GRID2: variants seen among roughly 807,000 people sequenced by gnomAD.
The protein encoded by GRID2 is glutamate ionotropic receptor delta type subunit 2.
Under a neutral mutation model 114.8 loss-of-function variants are expected in GRID2, and 33 were observed. The observed-to-expected ratio is 0.29, with a 90% CI of 0.22 to 0.38. GRID2 has a LOEUF of 0.38. Among genes scored for constraint, GRID2 ranks in the 10% least tolerant of loss-of-function variants. The probability of loss-of-function intolerance (pLI) is 1.00; values close to 1 mark genes in which losing one functional copy is unlikely to be tolerated. For synonymous variants in GRID2, 505 were observed against 449.9 expected, an observed-to-expected ratio of 1.12 and a Z score of -1.55; for missense variants, 1,184 against 1,257.7, an observed-to-expected ratio of 0.94 and a Z score of 0.89.
At chr4:92,981,373 G>A (rs565936521) in intron 2 of GRID2, among the ~76,000 whole-genome samples, 11 of 152,016 alleles carry the variant, frequency 7.2e-5, no homozygotes, top group African/African-American at 1.4e-4. Flanking sequence ...TAATGCGTGC[G>A]TATTATTGAT....
intron 4 of GRID2, among the ~76,000 whole-genome samples, chr4:93,115,719 G>GGT (rs1275118094): frequency 6.6e-6 from 1 of 152,058 alleles, no homozygotes; most frequent in Non-Finnish European, 1.5e-5. Context: ...TGTCTTACAT[G>GGT]GTGGCAGGCA....
intron 2 of GRID2, among the ~76,000 whole-genome samples, chr4:93,056,148 G>A (rs1042581202): frequency 1.3e-5 from 2 of 151,924 alleles, no homozygotes; most frequent in Admixed American, 6.6e-5. Context: ...TATGCAAACT[G>A]AGTATATCAA....
chr4:93,419,117 T>C (rs1242878350), intron 9 of GRID2, among the ~76,000 whole-genome samples: 1 of 151,194 alleles, frequency 6.6e-6, no homozygotes, highest in Non-Finnish European at 1.5e-5. Context: ...CTGTATTTCT[T>C]TGTTGTCCTG....
At chr4:93,011,208 A>C (rs1334688215) in intron 2 of GRID2, among the ~76,000 whole-genome samples, 1 of 151,390 alleles carries the variant, frequency 6.6e-6, no homozygotes, top group African/African-American at 2.4e-5. Context: ...CATCAGTTGA[A>C]AATTTTTGCT....
intron 9 of GRID2, among the ~76,000 whole-genome samples, chr4:93,407,676 A>ATT (rs34308935): frequency 0.2 from 27,365 of 140,102 alleles, 3,713 homozygotes; most frequent in African/African-American, 0.37. Context: ...ATTTTTCAGA[A>ATT]TTTTTTTTTT....
intron 8 of GRID2, among the ~76,000 whole-genome samples, chr4:93,341,359 C>G (rs1759636838): frequency 6.6e-6 from 1 of 151,400 alleles, no homozygotes; most frequent in Admixed American, 6.6e-5. Context: ...GAGTCTCACT[C>G]TGTCACCCAG....
At chr4:93,073,818 C>T (rs1054743294) in intron 2 of GRID2, among the ~76,000 whole-genome samples, 1 of 152,150 alleles carries the variant, frequency 6.6e-6, no homozygotes, top group South Asian at 2.1e-4. Flanking sequence ...CTCCAGAGAC[C>T]AATCACAAAT....
rs1392483624 is a variant in GRID2 at position 92,560,187 on chromosome 4, T to C, written c.89-29944T>C. On this transcript the variant is annotated intron_variant, in intron 1 of 15. Coordinates refer to ENST00000282020, the MANE Select transcript of GRID2 (RefSeq NM_001510.4). ...GAGAAGAAAGGAGAGGGGAGCCTGC[T>C]TAATGAGATGCAGCTGGATTCATAG... 2.6e-5 allele frequency among the ~76,000 whole-genome samples: 4 copies of C among 152,186 alleles called. No homozygotes were observed. In the East Asian group the frequency reaches 5.8e-4, roughly 22 times the overall value.
intron 12 of GRID2, among the ~76,000 whole-genome samples, chr4:93,494,605 A>G (rs1195627791): frequency 6.6e-6 from 1 of 151,786 alleles, no homozygotes; most frequent in African/African-American, 2.4e-5. Context: ...ATTTAATTTC[A>G]TATCCCTTCA....
At chr4:93,750,368 T>C (rs1310203156) in intron 14 of GRID2, among the ~76,000 whole-genome samples, 2 of 152,134 alleles carry the variant, frequency 1.3e-5, no homozygotes, top group Non-Finnish European at 2.9e-5. Flanking sequence ...AAATAGTAAA[T>C]AAGAATCTCT....
chr4:93,243,173 A>G (rs1747746000), intron 8 of GRID2, among the ~76,000 whole-genome samples: 1 of 151,956 alleles, frequency 6.6e-6, no homozygotes. Context: ...TTATAACTCA[A>G]TTATTTTTCT....
chr4:93,807,488 C>A (rs561251238), exon 2 of GRID2: 21 of 152,206 alleles, frequency 1.4e-4, no homozygotes, highest in Admixed American at 6.5e-4. Flanking sequence ...GGGACATTAC[C>A]TTTTTCCCCA....
intron 13 of GRID2, among the ~76,000 whole-genome samples, chr4:93,613,187 A>G (rs1388403753): frequency 6.7e-6 from 1 of 148,442 alleles, no homozygotes; most frequent in Non-Finnish European, 1.5e-5. Flanking sequence ...ACTTCTCTGT[A>G]TTGGTTATTC....
At chr4:93,669,420 T>A (rs1452683339) in intron 14 of GRID2, among the ~76,000 whole-genome samples, 1 of 152,038 alleles carries the variant, frequency 6.6e-6, no homozygotes, top group East Asian at 1.9e-4. Flanking sequence ...ATTGGCCATT[T>A]TATTATTATT....
chr4:92,664,513 G>T (rs1732673693), intron 2 of GRID2, among the ~76,000 whole-genome samples: 1 of 151,002 alleles, frequency 6.6e-6, no homozygotes, highest in Non-Finnish European at 1.5e-5. Flanking sequence ...AGAAGAATGG[G>T]TATTCTATTG....
intron 2 of GRID2, among the ~76,000 whole-genome samples, chr4:92,645,360 T>C (rs1214733564): frequency 1.3e-5 from 2 of 151,756 alleles, no homozygotes; most frequent in African/African-American, 2.4e-5. Flanking sequence ...TTTCTCCCTA[T>C]ATTACCTATT....
chr4:92,522,547 C>T (rs1181985831), intron 1 of GRID2, among the ~76,000 whole-genome samples: 1 of 151,882 alleles, frequency 6.6e-6, no homozygotes, highest in East Asian at 1.9e-4. Flanking sequence ...TAGGAACCCT[C>T]CTAATGAAGC....
intron 2 of GRID2, among the ~76,000 whole-genome samples, chr4:92,928,079 C>CA (rs1326937815): frequency 6.6e-6 from 1 of 151,604 alleles, no homozygotes; most frequent in Admixed American, 6.6e-5. Context: ...AAAAGGGCTA[C>CA]CAGTGCTTTG....
chr4:92,420,075 G>C (rs1731823319), intron 1 of GRID2, among the ~76,000 whole-genome samples: 1 of 152,034 alleles, frequency 6.6e-6, no homozygotes. Context: ...GCAGTGAAGG[G>C]ATTTTAGCAC....
Sources: allele counts gnomAD v4.1 joint callset (sites outside exome capture counted in the v4.1 genomes callset), GRCh38; gene constraint gnomAD v4.1.1; transcripts MANE v1.5; gene names NCBI Gene and HGNC (gene_info 2026-07-23, HGNC 2026-07-21).